Variants in ZNF407 observed in about 807,000 individuals in gnomAD.
ZNF407 encodes zinc finger protein 407.
A neutral mutation model predicts 131.2 loss-of-function variants in ZNF407; 17 were observed. The observed-to-expected ratio is 0.13, with a 90% CI of 0.09 to 0.19. The LOEUF (loss-of-function observed/expected upper bound fraction) is 0.19. Among genes scored for constraint, ZNF407 ranks in the 10% least tolerant of loss-of-function variants. The probability of loss-of-function intolerance (pLI) is 1.00; values close to 1 mark genes in which losing one functional copy is unlikely to be tolerated. For missense variants in ZNF407, 2,681 were observed against 2,830.6 expected, an observed-to-expected ratio of 0.95 and a Z score of 1.20; for synonymous variants, 1,156 against 1,062.0, an observed-to-expected ratio of 1.09 and a Z score of -1.72.
intron 3 of ZNF407, among the ~76,000 whole-genome samples, chr18:74,666,548 A>G (rs1303823402): frequency 6.6e-6 from 1 of 151,956 alleles, no homozygotes; most frequent in Admixed American, 6.6e-5. Context: ...CCTCCTTTGG[A>G]TGGAACTATC....
At chr18:74,948,480 C>G (rs1972178807) in intron 8 of ZNF407, among the ~76,000 whole-genome samples, 1 of 152,178 alleles carries the variant, frequency 6.6e-6, no homozygotes, top group Admixed American at 6.5e-5. Flanking sequence ...CCATAGACAT[C>G]AGCTTTGCAG....
intron 4 of ZNF407, among the ~76,000 whole-genome samples, chr18:74,813,431 G>A (rs908348298): frequency 1.3e-5 from 2 of 151,530 alleles, no homozygotes; most frequent in African/African-American, 2.4e-5. Context: ...TCATGATGCC[G>A]TGAGGCCACA....
chr18:74,649,155 C>A (rs1358571322), intron 3 of ZNF407, among the ~76,000 whole-genome samples: 1 of 152,156 alleles, frequency 6.6e-6, no homozygotes, highest in East Asian at 1.9e-4. Context: ...TTGCTATTTC[C>A]ACTCAATTTT....
intron 3 of ZNF407, among the ~76,000 whole-genome samples, chr18:74,763,846 A>C (rs994987130): frequency 7.3e-5 from 11 of 149,870 alleles, no homozygotes; most frequent in African/African-American, 2.7e-4. Flanking sequence ...AGTAGCTGGG[A>C]CTACAGGCGC....
chr18:74,627,740 T>A (rs181320101), intron 1 of ZNF407, among the ~76,000 whole-genome samples: 191 of 152,286 alleles, frequency 1.3e-3, no homozygotes, highest in African/African-American at 4.3e-3. Context: ...CGAGAAATCC[T>A]GTGGTAAAGA....
At position 74,755,893 on chromosome 18, in the gene ZNF407, T is replaced by TCC. The variant is rs1215172913; in HGVS notation, c.4803-25535_4803-25534insCC. Among the ~76,000 whole-genome samples, 237 of 72,790 alleles carry TCC rather than the reference T, an allele frequency of 3.3e-3. 3 individuals carry two copies. The highest frequency in any genetic ancestry group is 0.014 in the African/African-American group (228 of 16,818). 47.8% of individuals were successfully genotyped at this position (72,790 alleles called of 152,430 possible). On this transcript the variant is annotated intron_variant, in intron 3 of 8. Coordinates refer to ENST00000299687, the MANE Select transcript of ZNF407 (RefSeq NM_017757.3). ...CCTTCCTCTTTTCCTTCCTTTTTTT[T>TCC]TTTTTTTTTTTTTTTTTTGAGACTG...
At chr18:75,034,098 G>C (rs1336342238) in intron 8 of ZNF407, among the ~76,000 whole-genome samples, 3 of 152,050 alleles carry the variant, frequency 2.0e-5, no homozygotes, top group Non-Finnish European at 2.9e-5. Context: ...ATGAAACCAA[G>C]CTGTGTTATA....
In ZNF407 at chr18:74,945,570, C is replaced by A. The variant is rs548262340; in HGVS notation, c.5428+24878C>A. Among the ~76,000 whole-genome samples, 6 of 152,182 alleles carry A rather than the reference C, an allele frequency of 3.9e-5. No individual in the cohort carries two copies. In the East Asian group the frequency reaches 7.7e-4, roughly 20 times the overall value. On this transcript the variant is annotated intron_variant, in intron 8 of 8. Transcript: ENST00000299687. ...TTCTAAAATAGAAAAAATAAAAATT[C>A]CTGAACCATGTTTTAAAAGCCCTTG... is the stretch of plus-strand genomic sequence containing the variant.
At chr18:74,716,476 A>G (rs1967897047) in intron 3 of ZNF407, among the ~76,000 whole-genome samples, 1 of 152,192 alleles carries the variant, frequency 6.6e-6, no homozygotes, top group South Asian at 2.1e-4. Flanking sequence ...GTTAGGAGTC[A>G]GTGACACCCT....
chr18:74,936,879 C>T (rs966119428), intron 8 of ZNF407, among the ~76,000 whole-genome samples: 2 of 152,190 alleles, frequency 1.3e-5, no homozygotes, highest in Non-Finnish European at 2.9e-5. Context: ...ATTAATAATT[C>T]TCAAACTTTT....
In ZNF407 at chr18:74,633,570, A is replaced by T. The variant is rs1392112690; in HGVS notation, c.2551A>T (p.Thr851Ser). 6.2e-7 allele frequency: 1 copy of T among 1,614,054 alleles called. No homozygotes were observed. The highest frequency in any genetic ancestry group is 8.5e-7 in the Non-Finnish European group (1 of 1,179,900). Reference sequence around the variant, plus strand: ...GAGACCTAAAGGTAACATCTCACGGACGTGTTCACACTGTGGCCTTTTGGC... The same window carrying T: ...GAGACCTAAAGGTAACATCTCACGGTCGTGTTCACACTGTGGCCTTTTGGC... ...RGRPKGNISR[T>S]CSHCGLLASS... Residue 851 changes from threonine to serine, a missense_variant, in exon 2 of 9, where the codon ACG (threonine) becomes TCG (serine). Thr to Ser is a moderately conservative substitution (Grantham distance 58). Coordinates refer to ENST00000299687, the MANE Select transcript of ZNF407 (RefSeq NM_017757.3).
At chr18:74,876,925 T>C (rs1457174894) in intron 4 of ZNF407, among the ~76,000 whole-genome samples, 1 of 152,234 alleles carries the variant, frequency 6.6e-6, no homozygotes, top group African/African-American at 2.4e-5. Context: ...AGGTGAAATC[T>C]ATTCTCACTT....
At chr18:75,017,057 A>AT (rs1394449437) in intron 8 of ZNF407, among the ~76,000 whole-genome samples, 1 of 152,014 alleles carries the variant, frequency 6.6e-6, no homozygotes, top group Non-Finnish European at 1.5e-5. Flanking sequence ...CAATTCAGCC[A>AT]TTTTTTTCTT....
At chr18:74,627,930 AGTGGTTCAGTC>A (rs1175482180) in intron 1 of ZNF407, among the ~76,000 whole-genome samples, 1 of 146,858 alleles carries the variant, frequency 6.8e-6, no homozygotes, top group Non-Finnish European at 1.5e-5. Context: ...GCTGGAACGC[AGTGGTTCAGTC>A]GTAGCTCACT....
chr18:75,009,369 A>G (rs1972947995), intron 8 of ZNF407, among the ~76,000 whole-genome samples: 1 of 152,218 alleles, frequency 6.6e-6, no homozygotes, highest in South Asian at 2.1e-4. Context: ...TATAAAAGGT[A>G]GCCCTTATAT....
intron 3 of ZNF407, among the ~76,000 whole-genome samples, chr18:74,666,704 A>G (rs1985944099): frequency 6.6e-6 from 1 of 152,206 alleles, no homozygotes; most frequent in South Asian, 2.1e-4. Flanking sequence ...AAACTCCCAC[A>G]AGCTGACAGC....
At position 75,041,403 on chromosome 18, in the gene ZNF407, C is replaced by T. The variant is rs183887771; in HGVS notation, c.5429-21747C>T. ...ACCATAAAAGAGCTAGCACTGTTGT[C>T]CACACACATGCACTTTCCGTCTCTT... On this transcript the variant is annotated intron_variant, in intron 8 of 8. Transcript: ENST00000299687. 3.3e-5 allele frequency among the ~76,000 whole-genome samples: 5 copies of T among 152,258 alleles called. No homozygotes were observed. The East Asian group carries it at 9.6e-4, about 29-fold the overall frequency.
At chr18:74,898,994 T>C (rs79965351) in intron 7 of ZNF407, among the ~76,000 whole-genome samples, 2,597 of 152,320 alleles carry the variant, frequency 0.017, 48 homozygotes, top group South Asian at 0.039. Flanking sequence ...CAAATTATAC[T>C]TTTCCTTTGA....
At chr18:75,057,619 C>G (rs1210911889) in intron 8 of ZNF407, among the ~76,000 whole-genome samples, 1 of 152,158 alleles carries the variant, frequency 6.6e-6, no homozygotes, top group Non-Finnish European at 1.5e-5. Context: ...GTGTCATACA[C>G]CAGTAACTGC....
Sources: allele counts gnomAD v4.1 joint callset (sites outside exome capture counted in the v4.1 genomes callset), GRCh38; gene constraint gnomAD v4.1.1; transcripts MANE v1.5; gene names NCBI Gene and HGNC (gene_info 2026-07-23, HGNC 2026-07-21).